Variants in TGFBI observed in about 807,000 individuals in gnomAD.
The protein encoded by TGFBI is transforming growth factor-beta-induced protein ig-h3.
A neutral mutation model predicts 73.7 loss-of-function variants in TGFBI; 50 were observed. The ratio of observed to expected loss-of-function variants is 0.68; its 90% CI spans 0.54 to 0.86. The LOEUF is 0.86. Among genes scored for constraint, TGFBI ranks in the 40% least tolerant of loss-of-function variants. The probability of loss-of-function intolerance (pLI) is 0.00; values close to 1 mark genes in which losing one functional copy is unlikely to be tolerated. For missense variants in TGFBI, 839 were observed against 877.0 expected (o/e 0.96, Z 0.55); for synonymous variants, 362 against 360.5 (o/e 1.00, Z -0.05).
At chr5:136,056,878 A>T in intron 12 of TGFBI, 83 bp downstream of exon 12, 1 of 1,479,530 alleles carries the variant, frequency 6.8e-7, no homozygotes, top group Non-Finnish European at 9.1e-7. Context: ...TTGGCACATC[A>T]AGGATTGACT....
intron 1 of TGFBI, 116 bp from the exon 2 acceptor site, chr5:136,033,647 C>A: frequency 1.3e-6 from 1 of 791,110 alleles, no homozygotes; most frequent in South Asian, 1.7e-5. Context: ...ACTGAAATGA[C>A]TCTCTCCTCT....
intron 7 of TGFBI, among the ~76,000 whole-genome samples, chr5:136,051,489 GA>G (rs1385286734): frequency 1.3e-5 from 2 of 151,962 alleles, no homozygotes; most frequent in South Asian, 2.1e-4. Flanking sequence ...TAAACTGTAA[GA>G]AAAAAAAGGC....
At chr5:136,060,123 C>A (rs1348600267) in intron 13 of TGFBI, among the ~76,000 whole-genome samples, 1 of 104,574 alleles carries the variant, frequency 9.6e-6, no homozygotes, top group African/African-American at 5.1e-5. Context: ...GAGCAGGAAG[C>A]CTGTCTTCCA....
At chr5:136,058,150 C>A (rs913974116) in intron 12 of TGFBI, among the ~76,000 whole-genome samples, 15 of 152,164 alleles carry the variant, frequency 9.9e-5, no homozygotes, top group African/African-American at 3.1e-4. Context: ...GGAAGGGGAA[C>A]CTTGTCAGCT....
At chr5:136,047,083 G>A in intron 5 of TGFBI, 68 bp downstream of exon 5, 1 of 1,583,972 alleles carries the variant, frequency 6.3e-7, no homozygotes, top group South Asian at 1.1e-5. Context: ...TCCATGTGTG[G>A]GCTGGTTTCT....
chr5:136,049,333 G>A lies in TGFBI; in HGVS notation c.772-106G>A, dbSNP rs1751490654. ...GCTTCTGTTTTCGTCTTGGGCTTCTGTGAAAGCCTCGAGCCCTTGCGGGGA... is the reference window on the plus strand; with the variant it reads ...GCTTCTGTTTTCGTCTTGGGCTTCTATGAAAGCCTCGAGCCCTTGCGGGGA... On this transcript the variant is annotated intron_variant, in intron 6 of 16. Transcript: ENST00000442011. 2.1e-6 allele frequency: 3 copies of A among 1,436,220 alleles called. No homozygotes were observed. In the South Asian group the frequency reaches 4.3e-5, roughly 21 times the overall value. The allele number at this position is 1,436,220 out of a possible 1,614,324, so 89.0% of individuals were successfully genotyped here. A position where few individuals can be genotyped will look rare whatever the true frequency, so the allele number is the denominator to read the frequency against.
At chr5:136,044,377 C>T (rs1751389772) in intron 3 of TGFBI, among the ~76,000 whole-genome samples, 1 of 152,258 alleles carries the variant, frequency 6.6e-6, no homozygotes, top group African/African-American at 2.4e-5. Context: ...TGTGGCCTGT[C>T]CATGCCCTTC....
At chr5:136,062,753 G>A (rs1039360730) in intron 16 of TGFBI, 66 bp downstream of exon 16, 32 of 1,499,170 alleles carry the variant, frequency 2.1e-5, no homozygotes, top group Middle Eastern at 3.9e-4. Context: ...GCAAGCCCAA[G>A]CCTGCCATCT....
At chr5:136,049,809 G>A (rs1210252085) in intron 7 of TGFBI, 12 of 505,148 alleles carry the variant, frequency 2.4e-5, no homozygotes, top group Non-Finnish European at 3.5e-5. Flanking sequence ...GTCTGGGAGA[G>A]CTGGACTGAA....
At chr5:136,054,312 C>A (rs1462812834) in intron 9 of TGFBI, among the ~76,000 whole-genome samples, 4 of 152,212 alleles carry the variant, frequency 2.6e-5, no homozygotes, top group Non-Finnish European at 5.9e-5. Context: ...GACTTGACAT[C>A]TGGGAGGCAG....
chr5:136,038,488 G>A (rs891192963), intron 2 of TGFBI, among the ~76,000 whole-genome samples: 2 of 151,836 alleles, frequency 1.3e-5, no homozygotes, highest in African/African-American at 2.4e-5. Flanking sequence ...AGACTGAGGC[G>A]AGCGGGTCAC....
At position 136,061,494 on chromosome 5, in the gene TGFBI, C is replaced by T. The variant is rs780181698; in HGVS notation, c.1907-6C>T. ...TGGTCAAACCTGCCTTTTCTTTCCT[C>T]TTCAGCCAACAGACCTCAGGAAAGA... On this transcript the variant is annotated splice_region_variant and splice_polypyrimidine_tract_variant and intron_variant, in intron 14 of 16. Transcript: ENST00000442011. 1.9e-6 allele frequency: 3 copies of T among 1,597,960 alleles called. No individual in the cohort carries two copies. The highest frequency in any genetic ancestry group is 1.7e-6 in the Non-Finnish European group (2 of 1,171,534).
intron 3 of TGFBI, 123 bp downstream of exon 3, chr5:136,044,245 T>C: frequency 1.2e-6 from 1 of 815,494 alleles, no homozygotes; most frequent in Non-Finnish European, 2.0e-6. Context: ...CATGGCATTC[T>C]CCCCACGTGC....
rs761165775 is a variant in TGFBI at position 136,052,980 on chromosome 5, C to G, written c.987C>G (p.Thr329=). The change falls in exon 8 of 17, where the codon ACC becomes ACG. Residue 329 remains threonine (T), a synonymous_variant. Coordinates refer to ENST00000442011, the MANE Select transcript of TGFBI (RefSeq NM_000358.3). ...EAIVAGLSVE[T]LEGTTLEVGC... ...TCGTTGCGGGGCTGTCTGTAGAGAC[C>G]CTGGAGGGCACGACACTGGAGGTGG... 1 of 1,613,860 alleles carries G rather than the reference C, an allele frequency of 6.2e-7. No homozygotes were observed. The highest frequency in any genetic ancestry group is 2.2e-5 in the East Asian group (1 of 44,892).
chr5:136,029,263 A>G (rs1404331848), intron 1 of TGFBI, 74 bp downstream of exon 1: 2 of 1,387,626 alleles, frequency 1.4e-6, no homozygotes, highest in Non-Finnish European at 1.9e-6. Flanking sequence ...CGCTGGGGGC[A>G]TTGAACTGGG....
chr5:136,037,615 A>G (rs1303487935), intron 2 of TGFBI, among the ~76,000 whole-genome samples: 4 of 152,198 alleles, frequency 2.6e-5, no homozygotes, highest in African/African-American at 9.7e-5. Flanking sequence ...GGTGGCAGCT[A>G]TTCATTCCAA....
intron 2 of TGFBI, among the ~76,000 whole-genome samples, chr5:136,036,618 G>T (rs1165991264): frequency 6.6e-6 from 1 of 152,184 alleles, no homozygotes; most frequent in East Asian, 1.9e-4. Context: ...CATACGGTCA[G>T]AATTCAGTGC....
In TGFBI at chr5:136,029,055, C is replaced by G; in HGVS notation, c.-1C>G. ...TCGCTCGGTGCGCGTCGTCCCGCTC[C>G]ATGGCGCTCTTCGTGCGGCTGCTGG... On this transcript the variant is annotated 5_prime_UTR_variant, in exon 1 of 17. Transcript: ENST00000442011. 1 of 1,527,390 alleles carries G rather than the reference C, an allele frequency of 6.5e-7. No homozygotes were observed. Among genetic ancestry groups the G allele is most frequent in the South Asian group, 1.2e-5 (1 of 83,258 alleles). The allele number at this position is 1,527,390 out of a possible 1,614,324, so 94.6% of individuals were successfully genotyped here.
chr5:136,053,146 C>T (rs1193080675), intron 8 of TGFBI, 27 bp downstream of exon 8: 1 of 1,596,364 alleles, frequency 6.3e-7, no homozygotes, highest in Non-Finnish European at 8.6e-7. Context: ...GGGGCCTTGG[C>T]CCTGCCTGGC....
Sources: gnomAD v4.1 joint callset for allele counts (sites outside exome capture counted in the v4.1 genomes callset) on GRCh38, gnomAD v4.1.1 for gene constraint, MANE v1.5 for transcripts, NCBI Gene and HGNC (gene_info 2026-07-23, HGNC 2026-07-21) for gene names.